ATRNL1: variants seen among roughly 807,000 people sequenced by gnomAD.
ATRNL1 encodes the protein attractin-like protein 1.
In ATRNL1, 95 loss-of-function variants were observed where a neutral mutation model predicts 182.7. The observed-to-expected ratio is 0.52, with a 90% CI of 0.44 to 0.62. ATRNL1 has a LOEUF of 0.62. Ranked by LOEUF, ATRNL1 falls within the 20% of genes least tolerant of loss-of-function variation. The probability of loss-of-function intolerance (pLI) is 0.00; values close to 1 mark genes in which losing one functional copy is unlikely to be tolerated. For missense variants in ATRNL1, 1,471 were observed against 1,679.5 expected (o/e 0.88, Z 2.17); for synonymous variants, 576 against 568.3 (o/e 1.01, Z -0.19).
chr10:115,914,721 G>A lies in ATRNL1; in HGVS notation c.4019-29937G>A, dbSNP rs538940356. The stretch of plus-strand genomic sequence containing the variant: ...ACTGGTGGAGACCTTTCCATTTTAT[G>A]TTTCTTTTCCCGATTGTTCAACTGT... On this transcript the variant is annotated intron_variant, in intron 28 of 28. Coordinates refer to ENST00000355044, the MANE Select transcript of ATRNL1 (RefSeq NM_207303.4). Among the ~76,000 whole-genome samples the A allele has an allele frequency of 7.9e-5, 12 of 152,222 alleles. No homozygotes were observed. The South Asian group carries it at 1.2e-3, about 16-fold the overall frequency.
intron 28 of ATRNL1, among the ~76,000 whole-genome samples, chr10:115,889,459 G>A (rs1952028449): frequency 6.6e-6 from 1 of 152,134 alleles, no homozygotes; most frequent in African/African-American, 2.4e-5. Context: ...CACCTGAGTA[G>A]CTAGGATAAC....
chr10:115,607,817 C>A (rs1291830233), intron 26 of ATRNL1, among the ~76,000 whole-genome samples: 3 of 151,920 alleles, frequency 2.0e-5, no homozygotes, highest in Non-Finnish European at 4.4e-5. Context: ...AATCACTATT[C>A]TAGTGATGTA....
chr10:115,658,894 A>G (rs73377523), intron 26 of ATRNL1, among the ~76,000 whole-genome samples: 7,635 of 152,248 alleles, frequency 0.05, 543 homozygotes, highest in African/African-American at 0.17. Flanking sequence ...ACTTACAGTC[A>G]TGGCAGAAGG....
At chr10:115,860,068 T>C (rs1951277936) in intron 28 of ATRNL1, among the ~76,000 whole-genome samples, 2 of 152,186 alleles carry the variant, frequency 1.3e-5, no homozygotes, top group South Asian at 4.1e-4. Flanking sequence ...GTAAAAGCAC[T>C]GGAAAAAATA....
intron 26 of ATRNL1, among the ~76,000 whole-genome samples, chr10:115,665,528 G>A (rs1860949213): frequency 6.6e-6 from 1 of 152,050 alleles, no homozygotes; most frequent in African/African-American, 2.4e-5. Context: ...CAGATGACGA[G>A]GAGGAAGAAG....
intron 25 of ATRNL1, among the ~76,000 whole-genome samples, chr10:115,531,927 T>G (rs1361943478): frequency 2.7e-5 from 4 of 146,286 alleles, no homozygotes; most frequent in African/African-American, 4.9e-5. Flanking sequence ...TTGTCAAAGA[T>G]CAGATAGTTG....
chr10:115,093,794 C>A lies in ATRNL1; in HGVS notation c.44C>A (p.Ala15Glu), dbSNP rs2084937342. The A allele has an allele frequency of 7.0e-7, 1 of 1,431,726 alleles. No homozygotes were observed. Among genetic ancestry groups the A allele is most frequent in the East Asian group, 2.9e-5 (1 of 34,514 alleles). The allele number at this position is 1,431,726 out of a possible 1,614,324, so 88.7% of individuals were successfully genotyped here. A position where few individuals can be genotyped will look rare whatever the true frequency, so the allele number is the denominator to read the frequency against. Residue 15 changes from alanine to glutamate, a missense_variant, in exon 1 of 29, where the codon GCG becomes GAG. Around this residue, in one of 3 missense-constraint regions of ATRNL1, gnomAD observed 1,031 missense variants for 1,156.0 expected, o/e 0.89. Transcript: ENST00000355044. The surrounding 1 kb of genome is among the most constrained non-coding windows in gnomAD (Gnocchi z 6.1). ...GRARTGTPQP[A>E]APGVWRARPA... ...GCCCGCACTGGTACCCCGCAGCCAG[C>A]GGCCCCGGGGGTGTGGAGGGCTCGG...
intron 24 of ATRNL1, among the ~76,000 whole-genome samples, chr10:115,496,123 C>A (rs1554978186): frequency 6.6e-6 from 1 of 152,140 alleles, no homozygotes; most frequent in African/African-American, 2.4e-5. Context: ...GTTTTGTCTG[C>A]AACTATAATA....
At chr10:115,478,432 C>T (rs1465952557) in intron 24 of ATRNL1, among the ~76,000 whole-genome samples, 7 of 151,740 alleles carry the variant, frequency 4.6e-5, no homozygotes, top group African/African-American at 1.7e-4. Flanking sequence ...CTCTTCTTAG[C>T]CTCTAGAAGA....
intron 28 of ATRNL1, among the ~76,000 whole-genome samples, chr10:115,935,385 A>G (rs1953525725): frequency 6.6e-6 from 1 of 152,198 alleles, no homozygotes; most frequent in Non-Finnish European, 1.5e-5. Flanking sequence ...TATTATTATC[A>G]TTATTGCTTT....
intron 26 of ATRNL1, among the ~76,000 whole-genome samples, chr10:115,669,990 AG>A (rs1555040897): frequency 6.6e-6 from 1 of 152,066 alleles, no homozygotes; most frequent in Non-Finnish European, 1.5e-5. Context: ...TACTCCTGGA[AG>A]TTTTCACATT....
chr10:115,586,551 C>T lies in ATRNL1; in HGVS notation c.3795+37015C>T, dbSNP rs1401109723. Among the ~76,000 whole-genome samples, 2 of 98,930 alleles carry T rather than the reference C, an allele frequency of 2.0e-5. 1 individual carries two copies. Among genetic ancestry groups the T allele is most frequent in the African/African-American group, 5.7e-5 (2 of 35,072 alleles). The allele number at this position is 98,930 out of a possible 152,430, so 64.9% of individuals were successfully genotyped here. A position where few individuals can be genotyped will look rare whatever the true frequency, so the allele number is the denominator to read the frequency against. ...TTTCTTCCAGTTGTTCGCATCGGCT[C>T]CTGAGGCTTCTGCATTCTTCACGTA... On this transcript the variant is annotated intron_variant, in intron 26 of 28. Transcript: ENST00000355044.
At chr10:115,158,753 A>G (rs926729789) in intron 5 of ATRNL1, among the ~76,000 whole-genome samples, 1 of 151,958 alleles carries the variant, frequency 6.6e-6, no homozygotes, top group African/African-American at 2.4e-5. Context: ...ATGACAATCT[A>G]AAACTTTTTG....
intron 5 of ATRNL1, among the ~76,000 whole-genome samples, chr10:115,148,650 C>A (rs1222994451): frequency 2.6e-5 from 4 of 151,160 alleles, no homozygotes; most frequent in African/African-American, 2.4e-5. Context: ...GGTTTAAGAG[C>A]AGAAAGTTTA....
intron 21 of ATRNL1, among the ~76,000 whole-genome samples, chr10:115,441,664 G>C (rs1345232304): frequency 1.3e-5 from 2 of 151,800 alleles, no homozygotes; most frequent in Non-Finnish European, 2.9e-5. Context: ...TCATCATTTA[G>C]ATATTTTATT....
At chr10:115,661,969 C>T (rs1555038027) in intron 26 of ATRNL1, among the ~76,000 whole-genome samples, 2 of 149,346 alleles carry the variant, frequency 1.3e-5, no homozygotes, top group African/African-American at 5.0e-5. Context: ...CGATGTTCCC[C>T]TTCCTGTGTC....
intron 27 of ATRNL1, among the ~76,000 whole-genome samples, chr10:115,779,360 G>C (rs1949207021): frequency 6.6e-6 from 1 of 152,218 alleles, no homozygotes; most frequent in African/African-American, 2.4e-5. Flanking sequence ...CTCTAGGTCA[G>C]CGAGTCATCT....
intron 14 of ATRNL1, among the ~76,000 whole-genome samples, chr10:115,283,151 C>T (rs116328510): frequency 0.012 from 1,771 of 152,214 alleles, 33 homozygotes; most frequent in African/African-American, 0.039. Flanking sequence ...CGGTGTCTCA[C>T]ACCTGTAATT....
chr10:115,235,199 G>T (rs1850127694), intron 9 of ATRNL1, among the ~76,000 whole-genome samples: 1 of 152,066 alleles, frequency 6.6e-6, no homozygotes, highest in African/African-American at 2.4e-5. Flanking sequence ...CCCATGGCTG[G>T]TGAAGTTAAA....
Sources: gnomAD v4.1 joint callset for allele counts (sites outside exome capture counted in the v4.1 genomes callset) on GRCh38, gnomAD v4.1.1 for gene constraint, gnomAD v4.1.1 regional missense constraint, Gnocchi (gnomAD v3.1) non-coding constraint, MANE v1.5 for transcripts, NCBI Gene and HGNC (gene_info 2026-07-23, HGNC 2026-07-21) for gene names.